Variants in NTAN1 observed in about 807,000 individuals in gnomAD.
NTAN1 encodes protein N-terminal asparagine amidohydrolase.
Under a neutral mutation model 41.9 loss-of-function variants are expected in NTAN1, and 32 were observed. That is an observed-to-expected ratio of 0.76 (90% CI 0.58 to 1.03). NTAN1 has a LOEUF of 1.03. Ranked by LOEUF, NTAN1 falls within the 50% of genes least tolerant of loss-of-function variation. NTAN1 has a pLI of 0.00. For synonymous variants in NTAN1, 140 were observed against 139.5 expected (o/e 1.00, Z -0.03); for missense variants, 377 against 377.5 (o/e 1.00, Z 0.01).
chr16:15,043,361 T>C (rs1249280928), intron 5 of NTAN1, among the ~76,000 whole-genome samples: 1 of 152,192 alleles, frequency 6.6e-6, no homozygotes, highest in Non-Finnish European at 1.5e-5. Context: ...TTAAGAGTTA[T>C]GGCGAGACCC....
In NTAN1 at chr16:15,039,966, C is replaced by T. The variant is rs755645758; in HGVS notation, c.639+3G>A. 2 of 1,544,638 alleles carry T rather than the reference C, an allele frequency of 1.3e-6. No homozygotes were observed. The highest frequency in any genetic ancestry group is 1.8e-6 in the Non-Finnish European group (2 of 1,121,754). ...CCCTTAACAAAGATGATTTGAAACT[C>T]ACTGGTCCTCCTGCTAAAGTTCGCG... On this transcript the variant is annotated splice_donor_region_variant and intron_variant, in intron 8 of 9. Coordinates refer to ENST00000287706, the MANE Select transcript of NTAN1 (RefSeq NM_173474.4).
intron 4 of NTAN1, chr16:15,045,306 AAAAT>A (rs757333586): frequency 4.6e-5 from 7 of 151,894 alleles, no homozygotes; most frequent in African/African-American, 1.5e-4. Flanking sequence ...TCAGGGGGAA[AAAAT>A]AAATAAGTAA....
At chr16:15,044,428 G>A in intron 4 of NTAN1, 21 bp from the exon 5 acceptor site, 1 of 1,575,496 alleles carries the variant, frequency 6.3e-7, no homozygotes, top group Non-Finnish European at 8.7e-7. Flanking sequence ...GATGAGACGG[G>A]TCAGAGGCCA....
chr16:15,042,522 G>A (rs1452990276), intron 5 of NTAN1, among the ~76,000 whole-genome samples: 1 of 151,948 alleles, frequency 6.6e-6, no homozygotes, highest in Non-Finnish European at 1.5e-5. Flanking sequence ...CTTGTGCATA[G>A]GTATTTTCCC....
chr16:15,049,904 G>C (rs563241564), intron 1 of NTAN1, among the ~76,000 whole-genome samples: 1 of 152,294 alleles, frequency 6.6e-6, no homozygotes, highest in Admixed American at 6.5e-5. Context: ...ATGTTTTAAA[G>C]AGCTATAAAT....
chr16:15,047,391 T>G, intron 4 of NTAN1, 51 bp downstream of exon 4: 1 of 1,191,306 alleles, frequency 8.4e-7, no homozygotes, highest in Non-Finnish European at 1.3e-6. Context: ...ACGTCCTGTA[T>G]GCGACGGTTC....
chr16:15,046,345 T>G (rs535447763), intron 4 of NTAN1, among the ~76,000 whole-genome samples: 5 of 152,130 alleles, frequency 3.3e-5, no homozygotes, highest in Non-Finnish European at 1.5e-5. Context: ...TCCAGTAAAA[T>G]GAGAGCAACA....
intron 1 of NTAN1, among the ~76,000 whole-genome samples, chr16:15,054,092 C>T (rs1023623237): frequency 3.9e-5 from 6 of 152,226 alleles, no homozygotes; most frequent in African/African-American, 1.4e-4. Flanking sequence ...GAGAAACTGG[C>T]CAGGACACCC....
intron 4 of NTAN1, among the ~76,000 whole-genome samples, chr16:15,046,902 A>C (rs1393777350): frequency 6.6e-6 from 1 of 151,904 alleles, no homozygotes; most frequent in Non-Finnish European, 1.5e-5. Flanking sequence ...AAGAAAAAAA[A>C]CTACATGCCT....
intron 1 of NTAN1, among the ~76,000 whole-genome samples, chr16:15,050,145 G>T (rs2044240145): frequency 6.6e-6 from 1 of 152,168 alleles, no homozygotes; most frequent in Non-Finnish European, 1.5e-5. Context: ...TCAATAATCT[G>T]AGTGTTTGTA....
At chr16:15,044,451 G>T (rs777126487) in intron 4 of NTAN1, 44 bp from the exon 5 acceptor site, 1 of 1,245,580 alleles carries the variant, frequency 8.0e-7, no homozygotes, top group South Asian at 1.2e-5. Flanking sequence ...AGAAGACACC[G>T]GTGCGTGCGC....
At chr16:15,053,274 CTG>C (rs2044366452) in intron 1 of NTAN1, among the ~76,000 whole-genome samples, 1 of 152,330 alleles carries the variant, frequency 6.6e-6, no homozygotes, top group East Asian at 1.9e-4. Context: ...CCCAGCCTCT[CTG>C]TGCCCCACAG....
intron 3 of NTAN1, 122 bp downstream of exon 3, chr16:15,047,733 C>T (rs1183665643): frequency 1.0e-6 from 1 of 961,874 alleles, no homozygotes. Context: ...CCATGCAGAC[C>T]AGAAAAAAGG....
At chr16:15,040,761 G>C (rs1020485842) in intron 7 of NTAN1, among the ~76,000 whole-genome samples, 6 of 152,180 alleles carry the variant, frequency 3.9e-5, no homozygotes, top group African/African-American at 1.2e-4. Flanking sequence ...GGGGTGCTGG[G>C]GGGAGAGGGA....
intron 3 of NTAN1, 100 bp from the exon 4 acceptor site, chr16:15,047,650 T>C: frequency 1.0e-6 from 1 of 995,696 alleles, no homozygotes; most frequent in Non-Finnish European, 1.6e-6. Flanking sequence ...CATCTTTGAA[T>C]ATCCTGTAGG....
chr16:15,043,194 C>T (rs2043899905), intron 5 of NTAN1, among the ~76,000 whole-genome samples: 1 of 152,010 alleles, frequency 6.6e-6, no homozygotes, highest in African/African-American at 2.4e-5. Flanking sequence ...GCCACCGCAC[C>T]CGGCCTAATT....
rs374257380 is a variant in NTAN1 at position 15,046,960 on chromosome 16, C to T, written c.359+482G>A. On this transcript the variant is annotated intron_variant, in intron 4 of 9. Coordinates refer to ENST00000287706, the MANE Select transcript of NTAN1 (RefSeq NM_173474.4). ...CTTCCTGGCCTCGTTTTCTCCACAGCCCCGCCTCACCACCCAACACCCCAT... is the reference window on the plus strand; with the variant it reads ...CTTCCTGGCCTCGTTTTCTCCACAGTCCCGCCTCACCACCCAACACCCCAT... Among the ~76,000 whole-genome samples, 12 of 152,256 alleles carry T rather than the reference C, an allele frequency of 7.9e-5. No homozygotes were observed. The East Asian group carries it at 2.1e-3, about 27-fold the overall frequency.
At chr16:15,042,128 ATTTTC>A (rs1463334822) in intron 5 of NTAN1, among the ~76,000 whole-genome samples, 1 of 151,300 alleles carries the variant, frequency 6.6e-6, no homozygotes, top group Non-Finnish European at 1.5e-5. Context: ...TAATTAGTGT[ATTTTC>A]TTCCATATTT....
In NTAN1 at chr16:15,051,698, A is replaced by ATT. The variant is rs61437077; in HGVS notation, c.82-3601_82-3600dup. On this transcript the variant is annotated intron_variant, in intron 1 of 9. Transcript: ENST00000287706. The stretch of plus-strand genomic sequence containing the variant: ...GTGCCCAGCCTCTACTTTATTTTTA[A>ATT]TTTTTTTTTTTTTTTTTTTAGAGAC... 5.7e-4 allele frequency among the ~76,000 whole-genome samples: 70 copies of ATT among 122,386 alleles called. 1 individual carries two copies. Among genetic ancestry groups the ATT allele is most frequent in the East Asian group, 1.9e-3 (8 of 4,256 alleles). 80.3% of individuals were successfully genotyped at this position (122,386 alleles called of 152,430 possible).
Sources: gnomAD v4.1 joint callset for allele counts (sites outside exome capture counted in the v4.1 genomes callset) on GRCh38, gnomAD v4.1.1 for gene constraint, MANE v1.5 for transcripts, NCBI Gene and HGNC (gene_info 2026-07-23, HGNC 2026-07-21) for gene names.